Variants in SLC25A21 observed in about 807,000 individuals in gnomAD.
SLC25A21 encodes mitochondrial 2-oxodicarboxylate carrier.
Under a neutral mutation model 43.8 loss-of-function variants are expected in SLC25A21, and 47 were observed. The ratio of observed to expected loss-of-function variants is 1.07; its 90% CI spans 0.85 to 1.37. The LOEUF (loss-of-function observed/expected upper bound fraction) is 1.37, where lower values mean the gene tolerates loss of function less well. Among genes scored for constraint, SLC25A21 ranks in the 40% most tolerant of loss-of-function variants. The pLI, the probability that SLC25A21 is intolerant of heterozygous loss-of-function variation, is 0.00. For missense variants in SLC25A21, 352 were observed against 350.2 expected, an observed-to-expected ratio of 1.00 and a Z score of -0.04; for synonymous variants, 131 against 121.3, an observed-to-expected ratio of 1.08 and a Z score of -0.52.
chr14:37,034,306 A>C (rs1961281013), intron 1 of SLC25A21, among the ~76,000 whole-genome samples: 1 of 152,110 alleles, frequency 6.6e-6, no homozygotes, highest in African/African-American at 2.4e-5. Context: ...GGCATGAGCC[A>C]CCGTGCTTGG....
At chr14:36,873,718 G>A (rs1328146279) in intron 2 of SLC25A21, among the ~76,000 whole-genome samples, 2 of 152,144 alleles carry the variant, frequency 1.3e-5, no homozygotes, top group Non-Finnish European at 2.9e-5. Context: ...TTGGAAGTGA[G>A]GTCTTTGGGG....
chr14:37,031,784 G>A (rs949929741), intron 1 of SLC25A21, among the ~76,000 whole-genome samples: 1 of 151,598 alleles, frequency 6.6e-6, no homozygotes, highest in Non-Finnish European at 1.5e-5. Context: ...TACATATGAG[G>A]CTACTGAAGC....
chr14:36,753,579 A>G (rs188349387), intron 3 of SLC25A21, among the ~76,000 whole-genome samples: 220 of 152,320 alleles, frequency 1.4e-3, no homozygotes, highest in Middle Eastern at 0.01. Flanking sequence ...CTAAAATTTA[A>G]TTGAAAAAAT....
At chr14:36,902,855 T>C (rs915373653) in intron 1 of SLC25A21, among the ~76,000 whole-genome samples, 47 of 152,096 alleles carry the variant, frequency 3.1e-4, no homozygotes, top group African/African-American at 1.1e-3. Flanking sequence ...CATAGAGGCT[T>C]ATGCCTGTAG....
chr14:37,166,999 C>T (rs1162423122), intron 1 of SLC25A21, among the ~76,000 whole-genome samples: 1 of 151,840 alleles, frequency 6.6e-6, no homozygotes. Context: ...AAAATATTAG[C>T]TTCAAAAAAG....
At chr14:36,803,770 T>C (rs1887947090) in intron 3 of SLC25A21, among the ~76,000 whole-genome samples, 2 of 152,210 alleles carry the variant, frequency 1.3e-5, no homozygotes, top group Non-Finnish European at 2.9e-5. Flanking sequence ...ATTGTGATCA[T>C]ATGATGCTTC....
chr14:36,861,447 C>T (rs1000569574), intron 2 of SLC25A21, among the ~76,000 whole-genome samples: 4 of 152,204 alleles, frequency 2.6e-5, no homozygotes, highest in African/African-American at 9.7e-5. Context: ...AGGTTCAGCT[C>T]ACAGTTAGAG....
At chr14:36,891,853 TA>T (rs1227231203) in intron 1 of SLC25A21, among the ~76,000 whole-genome samples, 2 of 152,158 alleles carry the variant, frequency 1.3e-5, no homozygotes, top group Admixed American at 6.6e-5. Flanking sequence ...AAGAATAGTC[TA>T]GGGGATTGTG....
At chr14:36,779,605 TATAC>T (rs1195856664) in intron 3 of SLC25A21, among the ~76,000 whole-genome samples, 15 of 44,246 alleles carry the variant, frequency 3.4e-4, no homozygotes, top group Admixed American at 2.8e-3. Context: ...TGTATATGTG[TATAC>T]ATATATATAT....
chr14:36,978,730 T>C (rs1427560319), intron 1 of SLC25A21, among the ~76,000 whole-genome samples: 1 of 152,232 alleles, frequency 6.6e-6, no homozygotes, highest in Non-Finnish European at 1.5e-5. Flanking sequence ...TTGCATATTG[T>C]ATACCATTTA....
chr14:36,688,555 G>A (rs1882652501), intron 7 of SLC25A21, among the ~76,000 whole-genome samples: 1 of 152,206 alleles, frequency 6.6e-6, no homozygotes, highest in South Asian at 2.1e-4. Flanking sequence ...CAGTACCCAG[G>A]CAGCATCAGG....
intron 7 of SLC25A21, among the ~76,000 whole-genome samples, chr14:36,686,429 G>T (rs1882547843): frequency 6.6e-6 from 1 of 152,108 alleles, no homozygotes; most frequent in Admixed American, 6.6e-5. Flanking sequence ...CAGAACTGGA[G>T]CTCAGGAGGA....
intron 6 of SLC25A21, among the ~76,000 whole-genome samples, chr14:36,721,248 G>C (rs1165388232): frequency 1.3e-5 from 2 of 152,140 alleles, no homozygotes; most frequent in Non-Finnish European, 2.9e-5. Flanking sequence ...CTGCATGCCA[G>C]GCCATACTGA....
chr14:36,971,333 T>C (rs1304143799), intron 1 of SLC25A21, among the ~76,000 whole-genome samples: 1 of 152,096 alleles, frequency 6.6e-6, no homozygotes, highest in Non-Finnish European at 1.5e-5. Flanking sequence ...GTTGTGCCAA[T>C]AGGAAAAAGC....
intron 4 of SLC25A21, among the ~76,000 whole-genome samples, chr14:36,732,261 T>C (rs1220352056): frequency 1.3e-5 from 2 of 152,020 alleles, no homozygotes; most frequent in East Asian, 3.9e-4. Flanking sequence ...GGTATAGGTA[T>C]ACTGTAGTGA....
chr14:36,723,438 C>T (rs559445807), intron 6 of SLC25A21, among the ~76,000 whole-genome samples: 7 of 152,288 alleles, frequency 4.6e-5, no homozygotes, highest in African/African-American at 1.4e-4. Flanking sequence ...TTTTATAATG[C>T]ATCTAATTGA....
chr14:36,811,545 G>T (rs1260826510), intron 3 of SLC25A21, among the ~76,000 whole-genome samples: 1 of 152,102 alleles, frequency 6.6e-6, no homozygotes. Flanking sequence ...CAGCTATTTT[G>T]GGAGGCTAAG....
chr14:36,958,529 G>A (rs1477638385), intron 1 of SLC25A21, among the ~76,000 whole-genome samples: 1 of 152,146 alleles, frequency 6.6e-6, no homozygotes, highest in Non-Finnish European at 1.5e-5. Context: ...CAACTTCACA[G>A]AGATATTAAA....
chr14:36,680,691 T>G lies in SLC25A21; in HGVS notation c.867A>C (p.Glu289Asp). Reference sequence around the variant, plus strand: ...TCTCTTGAAGCCATGAATAGGTGTATTCATAAACCAGCAGCATCACTGCAC... The same window carrying G: ...TCTCTTGAAGCCATGAATAGGTGTAGTCATAAACCAGCAGCATCACTGCAC... ...PGGAVMLLVYEYTYSWLQENW is the reference protein window; with the variant it reads ...PGGAVMLLVYDYTYSWLQENW Residue 289 changes from glutamate (E) to aspartate (D), a missense_variant, in exon 10 of 10, where the codon GAA (glutamate) becomes GAC (aspartate). By Grantham distance (45) the Glu-to-Asp change is conservative. Coordinates refer to ENST00000331299, the MANE Select transcript of SLC25A21 (RefSeq NM_030631.4). 3 of 1,613,324 alleles carry G rather than the reference T, an allele frequency of 1.9e-6. No homozygotes were observed. The highest frequency in any genetic ancestry group is 2.5e-6 in the Non-Finnish European group (3 of 1,179,622).
Sources: gnomAD v4.1 joint callset for allele counts (sites outside exome capture counted in the v4.1 genomes callset) on GRCh38, gnomAD v4.1.1 for gene constraint, MANE v1.5 for transcripts, NCBI Gene and HGNC (gene_info 2026-07-23, HGNC 2026-07-21) for gene names.